GFRA2: variants seen among roughly 807,000 people sequenced by gnomAD.
GFRA2 encodes GDNF family receptor alpha 2, also known as GDNF family receptor alpha-2.
A neutral mutation model predicts 48.3 loss-of-function variants in GFRA2; 17 were observed. That is an observed-to-expected ratio of 0.35 (90% CI 0.24 to 0.53). The LOEUF (loss-of-function observed/expected upper bound fraction) is 0.53, where lower values mean the gene tolerates loss of function less well. GFRA2 is among the 20% of genes least tolerant of loss of function. GFRA2 has a pLI of 0.93. For missense variants in GFRA2, 660 were observed against 637.3 expected (o/e 1.04, Z -0.38); for synonymous variants, 305 against 257.2 (o/e 1.19, Z -1.78).
chr8:21,732,619 G>C (rs958537384), intron 4 of GFRA2, among the ~76,000 whole-genome samples: 2 of 152,196 alleles, frequency 1.3e-5, no homozygotes, highest in East Asian at 1.9e-4. Context: ...GATCAGCCTG[G>C]TCTGAGTCCC....
At chr8:21,726,739 G>A (rs1486413588) in intron 4 of GFRA2, among the ~76,000 whole-genome samples, 1 of 149,182 alleles carries the variant, frequency 6.7e-6, no homozygotes, top group Non-Finnish European at 1.5e-5. Context: ...AATTACATCT[G>A]CAAACACCCT....
chr8:21,742,673 G>A (rs1272226843), intron 4 of GFRA2, among the ~76,000 whole-genome samples: 3 of 152,196 alleles, frequency 2.0e-5, no homozygotes, highest in African/African-American at 4.8e-5. Context: ...ACAAACACAC[G>A]CCCAGTTGTA....
chr8:21,704,054 T>C (rs1802617628), intron 6 of GFRA2, among the ~76,000 whole-genome samples: 1 of 152,256 alleles, frequency 6.6e-6, no homozygotes, highest in Non-Finnish European at 1.5e-5. Context: ...AAGGATGCTA[T>C]CTACCTGTCC....
chr8:21,790,175 C>A, upstream of GFRA2: 1 of 847,730 alleles, frequency 1.2e-6, no homozygotes, highest in Middle Eastern at 6.0e-4. Flanking sequence ...GGTCACGTTC[C>A]GGCGAGAGCG....
intron 3 of GFRA2, among the ~76,000 whole-genome samples, chr8:21,763,148 T>C (rs1805992157): frequency 6.6e-6 from 1 of 152,164 alleles, no homozygotes; most frequent in South Asian, 2.1e-4. Context: ...TTTGCAAAAA[T>C]CTTCAAAAGC....
rs1801860435 is a variant in GFRA2 at position 21,690,966 on chromosome 8, G to C, written c.*2312C>G. On this transcript the variant is annotated 3_prime_UTR_variant, in exon 9 of 9. Coordinates refer to ENST00000524240, the MANE Select transcript of GFRA2 (RefSeq NM_001495.5). ...GCCATGACCACGTCTACCCGCAATGGCTGGACAGAGACCTGGCTGGCTCAC... is the reference window on the plus strand; with the variant it reads ...GCCATGACCACGTCTACCCGCAATGCCTGGACAGAGACCTGGCTGGCTCAC... 1 of 152,230 alleles carries C rather than the reference G, an allele frequency of 6.6e-6. No individual in the cohort carries two copies. The highest frequency in any genetic ancestry group is 2.1e-4 in the South Asian group (1 of 4,832). 9.4% of individuals were successfully genotyped at this position (152,230 alleles called of 1,614,324 possible).
intron 4 of GFRA2, among the ~76,000 whole-genome samples, chr8:21,747,697 A>G (rs60664311): frequency 0.55 from 82,694 of 150,362 alleles, 24,735 homozygotes; most frequent in African/African-American, 0.81. Context: ...GGTGGTTTGT[A>G]CCCAATGCCT....
intron 3 of GFRA2, among the ~76,000 whole-genome samples, chr8:21,764,766 G>C (rs1806076204): frequency 6.6e-6 from 1 of 152,152 alleles, no homozygotes; most frequent in South Asian, 2.1e-4. Flanking sequence ...AGGTACAAAT[G>C]TGCCACCATC....
chr8:21,784,700 C>T (rs1046094283), intron 1 of GFRA2, among the ~76,000 whole-genome samples: 6 of 152,206 alleles, frequency 3.9e-5, no homozygotes, highest in Non-Finnish European at 8.8e-5. Flanking sequence ...GAGCAAAAGA[C>T]GTGCCCTTCT....
At chr8:21,705,584 C>G (rs937140344) in intron 5 of GFRA2, among the ~76,000 whole-genome samples, 1 of 152,160 alleles carries the variant, frequency 6.6e-6, no homozygotes, top group Non-Finnish European at 1.5e-5. Flanking sequence ...ATCAGCACCC[C>G]GCTAGCAAGA....
Position 21,782,935 on chromosome 8 carries a change from G to T in GFRA2, c.41-36C>A, listed in dbSNP as rs939367834. On this transcript the variant is annotated intron_variant, in intron 1 of 8. Transcript: ENST00000524240. ...GGGAGGGAAGACAAGCATGAATGAC[G>T]GCCGCCACAATCTCCCACCCAAGAT... 2.6e-6 allele frequency: 4 copies of T among 1,516,940 alleles called. No homozygotes were observed. The Admixed American group carries it at 5.9e-5, about 22-fold the overall frequency. 94.0% of individuals were successfully genotyped at this position (1,516,940 alleles called of 1,614,324 possible). A position where few individuals can be genotyped will look rare whatever the true frequency, so the allele number is the denominator to read the frequency against.
intron 3 of GFRA2, among the ~76,000 whole-genome samples, chr8:21,769,708 A>G (rs1369874968): frequency 4.6e-5 from 7 of 152,282 alleles, no homozygotes; most frequent in Non-Finnish European, 1.0e-4. Context: ...GGACACAGAG[A>G]CCAACACGTA....
intron 2 of GFRA2, among the ~76,000 whole-genome samples, chr8:21,778,977 G>T (rs1438959615): frequency 2.6e-5 from 4 of 151,924 alleles, no homozygotes; most frequent in African/African-American, 9.7e-5. Flanking sequence ...GAGACACAAG[G>T]ATTGCTTGAG....
intron 2 of GFRA2, among the ~76,000 whole-genome samples, chr8:21,799,484 C>A (rs1807734506): frequency 6.6e-6 from 1 of 152,020 alleles, no homozygotes; most frequent in African/African-American, 2.4e-5. Flanking sequence ...GCATGAGCCA[C>A]TGCACCCAGC....
upstream of GFRA2, among the ~76,000 whole-genome samples, chr8:21,791,590 T>G (rs932835416): frequency 3.9e-4 from 59 of 152,216 alleles, no homozygotes; most frequent in African/African-American, 1.3e-3. Flanking sequence ...CAGTTGAACA[T>G]GTACTATAAC....
At chr8:21,786,470 C>T (rs932957253) in intron 1 of GFRA2, among the ~76,000 whole-genome samples, 4 of 152,192 alleles carry the variant, frequency 2.6e-5, no homozygotes, top group Non-Finnish European at 5.9e-5. Flanking sequence ...ACCCAGAAGG[C>T]TGGGTTTTCA....
chr8:21,748,924 AGGCTTCTTCCCT>A (rs1213184268), intron 4 of GFRA2, among the ~76,000 whole-genome samples: 1 of 152,070 alleles, frequency 6.6e-6, no homozygotes, highest in Non-Finnish European at 1.5e-5. Flanking sequence ...CTTTTCCAAC[AGGCTTCTTCCCT>A]GGCTTTCTCC....
intron 4 of GFRA2, among the ~76,000 whole-genome samples, chr8:21,715,380 C>A (rs1274567258): frequency 1.3e-5 from 2 of 152,202 alleles, no homozygotes; most frequent in Non-Finnish European, 2.9e-5. Context: ...GTGATCTGGG[C>A]TCACTGCAAC....
chr8:21,718,424 T>C (rs1803437838), intron 4 of GFRA2, among the ~76,000 whole-genome samples: 1 of 152,200 alleles, frequency 6.6e-6, no homozygotes, highest in Non-Finnish European at 1.5e-5. Flanking sequence ...TTATCAGCAG[T>C]GTGAAAACAG....
Sources: gnomAD v4.1 joint callset for allele counts (sites outside exome capture counted in the v4.1 genomes callset) on GRCh38, gnomAD v4.1.1 for gene constraint, MANE v1.5 for transcripts, NCBI Gene and HGNC (gene_info 2026-07-23, HGNC 2026-07-21) for gene names.